The following ZNF564 variants were observed in gnomAD, a reference collection of about 807,000 sequenced individuals.
The protein encoded by ZNF564 is zinc finger protein 564.
A neutral mutation model predicts 10.5 loss-of-function variants in ZNF564; 5 were observed. The observed-to-expected ratio is 0.48, with a 90% confidence interval of 0.25 to 1.00. ZNF564 has a LOEUF of 1.00. Among genes scored for constraint, ZNF564 ranks in the 50% least tolerant of loss-of-function variants. ZNF564 has a pLI of 0.16. For missense variants in ZNF564, 603 were observed against 669.7 expected (o/e 0.90, Z 1.10); for synonymous variants, 242 against 218.1 (o/e 1.11, Z -0.97).
At chr19:12,543,323 AAGGGG>A (rs1395337563) in intron 1 of ZNF564, among the ~76,000 whole-genome samples, 3 of 133,402 alleles carry the variant, frequency 2.2e-5, no homozygotes, top group South Asian at 5.2e-4. Flanking sequence ...AAAAAGAGAG[AAGGGG>A]AGGGGAGGGG....
chr19:12,526,667 C>G lies in ZNF564; in HGVS notation c.1441G>C (p.Glu481Gln). ...HTGEKPYECK[E>Q]CGKAFNYASS... ...GCATAATTGAATGCTTTCCCACATT[C>G]TTTACATTCATAGGGTTTTTCTCCA... Residue 481 changes from glutamate (E) to glutamine (Q), a missense_variant, in exon 4 of 4, where the codon GAA becomes CAA. Transcript: ENST00000339282. 6.2e-7 allele frequency: 1 copy of G among 1,614,128 alleles called. No individual in the cohort carries two copies. The highest frequency in any genetic ancestry group is 8.5e-7 in the Non-Finnish European group (1 of 1,180,022).
At chr19:12,537,809 A>G (rs562314489) in intron 1 of ZNF564, among the ~76,000 whole-genome samples, 1 of 152,194 alleles carries the variant, frequency 6.6e-6, no homozygotes, top group East Asian at 1.9e-4. Context: ...GTTCAGTGAC[A>G]ATGTATAAAA....
At chr19:12,532,847 T>C (rs139963697) in intron 1 of ZNF564, 18 of 152,272 alleles carry the variant, frequency 1.2e-4, no homozygotes, top group African/African-American at 3.8e-4. Context: ...ATAACAAGCG[T>C]TGCAAAATAC....
intron 1 of ZNF564, among the ~76,000 whole-genome samples, chr19:12,530,546 G>A (rs1454936583): frequency 2.0e-5 from 3 of 152,138 alleles, no homozygotes; most frequent in Non-Finnish European, 4.4e-5. Flanking sequence ...TTGAGGAACA[G>A]GTTAAGAGTT....
At chr19:12,545,731 A>AG (rs1568267274) in intron 1 of ZNF564, among the ~76,000 whole-genome samples, 1 of 152,226 alleles carries the variant, frequency 6.6e-6, no homozygotes, top group South Asian at 2.1e-4. Context: ...TGGCAGGGAA[A>AG]GGGGGGTGGA....
intron 1 of ZNF564, chr19:12,532,996 T>C (rs2021838238): frequency 6.6e-6 from 1 of 152,098 alleles, no homozygotes; most frequent in African/African-American, 2.4e-5. Context: ...GTAAAGTAAA[T>C]AGCATCATCA....
At chr19:12,550,086 A>T (rs995425580) in intron 1 of ZNF564, among the ~76,000 whole-genome samples, 1 of 151,334 alleles carries the variant, frequency 6.6e-6, no homozygotes, top group Non-Finnish European at 1.5e-5. Context: ...TGAGGTCGGG[A>T]GTTCGAGACC....
chr19:12,536,979 C>A (rs1025400375), intron 1 of ZNF564, among the ~76,000 whole-genome samples: 1 of 152,164 alleles, frequency 6.6e-6, no homozygotes, highest in Admixed American at 6.5e-5. Flanking sequence ...ATCCTCCCAT[C>A]TTCTTCTGCC....
At chr19:12,541,340 G>C (rs2022045992) in intron 1 of ZNF564, 1 of 151,784 alleles carries the variant, frequency 6.6e-6, no homozygotes, top group Non-Finnish European at 1.5e-5. Flanking sequence ...CTGAGGTCAG[G>C]AGTTCGAGAC....
At chr19:12,543,846 C>T (rs2022105132) in intron 1 of ZNF564, among the ~76,000 whole-genome samples, 1 of 152,114 alleles carries the variant, frequency 6.6e-6, no homozygotes, top group Non-Finnish European at 1.5e-5. Context: ...GAGGTGGCAT[C>T]TTTGGGAGGT....
chr19:12,537,547 TGA>T (rs2021941136), intron 1 of ZNF564, among the ~76,000 whole-genome samples: 2 of 151,964 alleles, frequency 1.3e-5, no homozygotes, highest in Admixed American at 1.3e-4. Context: ...GAGACCAGCC[TGA>T]CCAAAAAGGA....
chr19:12,527,864 C>T lies in ZNF564; in HGVS notation c.244G>A (p.Glu82Lys), dbSNP rs2021721873. The part of the protein sequence containing the change: ...SESKEYDQCG[E>K]AFSQILNLNL... The stretch of plus-strand genomic sequence containing the variant: ...AGATTGAGAATCTGACTGAAGGCTT[C>T]TCCACATTGATCATATTCTTTACTT... Residue 82 changes from glutamate (E) to lysine (K), a missense_variant, in exon 4 of 4, where the codon GAA becomes AAA. Transcript: ENST00000339282. 1 of 1,613,650 alleles carries T rather than the reference C, an allele frequency of 6.2e-7. No homozygotes were observed. Among genetic ancestry groups the T allele is most frequent in the Non-Finnish European group, 8.5e-7 (1 of 1,179,788 alleles).
chr19:12,542,517 A>C (rs1568266277), intron 1 of ZNF564, among the ~76,000 whole-genome samples: 1 of 151,800 alleles, frequency 6.6e-6, no homozygotes, highest in Non-Finnish European at 1.5e-5. Flanking sequence ...GCTACTCAGG[A>C]GGTTGAGGCA....
chr19:12,530,902 A>T (rs1382314434), intron 1 of ZNF564, among the ~76,000 whole-genome samples: 1 of 152,070 alleles, frequency 6.6e-6, no homozygotes, highest in African/African-American at 2.4e-5. Context: ...AAGTAGCTAG[A>T]ACTATAGTCG....
At chr19:12,536,050 G>A (rs1009373369) in intron 1 of ZNF564, among the ~76,000 whole-genome samples, 1 of 151,276 alleles carries the variant, frequency 6.6e-6, no homozygotes, top group Admixed American at 6.6e-5. Context: ...GTAAAGAAGA[G>A]TGATCATTAA....
intron 1 of ZNF564, among the ~76,000 whole-genome samples, chr19:12,530,848 C>G (rs765653386): frequency 4.6e-5 from 7 of 152,128 alleles, no homozygotes; most frequent in African/African-American, 7.2e-5. Flanking sequence ...CTCACTGAAG[C>G]CTTGATCTCC....
At chr19:12,544,994 C>T (rs1336059279) in intron 1 of ZNF564, among the ~76,000 whole-genome samples, 1 of 152,140 alleles carries the variant, frequency 6.6e-6, no homozygotes, top group African/African-American at 2.4e-5. Context: ...TGTGGTGGCT[C>T]ATGCTTGTAA....
intron 1 of ZNF564, among the ~76,000 whole-genome samples, chr19:12,542,486 T>C (rs779133552): frequency 2.6e-5 from 4 of 151,846 alleles, no homozygotes; most frequent in Non-Finnish European, 2.9e-5. Context: ...CTGGGCATGA[T>C]AGCACGTGTC....
intron 1 of ZNF564, chr19:12,548,873 G>A: frequency 2.8e-6 from 2 of 702,704 alleles, no homozygotes; most frequent in Non-Finnish European, 5.2e-6. Flanking sequence ...CTGCAAAGGA[G>A]AAGATATTTT....
Sources: allele counts gnomAD v4.1 joint callset (sites outside exome capture counted in the v4.1 genomes callset), GRCh38; gene constraint gnomAD v4.1.1; transcripts MANE v1.5; gene names NCBI Gene and HGNC (gene_info 2026-07-23, HGNC 2026-07-21).